The following ATP10B variants were observed in gnomAD, a reference collection of about 807,000 sequenced individuals.
The protein encoded by ATP10B is ATPase phospholipid transporting 10B (putative), also known as phospholipid-transporting ATPase VB.
A neutral mutation model predicts 141.2 loss-of-function variants in ATP10B; 122 were observed. The observed-to-expected ratio is 0.86, with a 90% CI of 0.75 to 1.00. The LOEUF (loss-of-function observed/expected upper bound fraction) is 1.00, where lower values mean the gene tolerates loss of function less well. Ranked by LOEUF, ATP10B falls within the 50% of genes least tolerant of loss-of-function variation. The pLI, the probability that ATP10B is intolerant of heterozygous loss-of-function variation, is 0.00. For synonymous variants in ATP10B, 685 were observed against 692.0 expected (o/e 0.99, Z 0.16); for missense variants, 1,876 against 1,825.3 (o/e 1.03, Z -0.51).
At chr5:160,907,598 C>A in the ATP10B span, among the ~76,000 whole-genome samples, 1 of 152,092 alleles carries the variant, frequency 6.6e-6, no homozygotes, top group South Asian at 2.1e-4. Context: ...TGGGCTCAAG[C>A]AATCCTCTTG....
the ATP10B span, among the ~76,000 whole-genome samples, chr5:160,913,318 A>T: frequency 6.6e-6 from 1 of 152,178 alleles, no homozygotes; most frequent in African/African-American, 2.4e-5. Flanking sequence ...CTAAGATTTG[A>T]TGGAGAAACT....
rs1754445060 is a variant in ATP10B, at chr5:160,564,977, A to T, written c.*476T>A. On this transcript the variant is annotated 3_prime_UTR_variant, in exon 26 of 26. Coordinates refer to ENST00000327245, the MANE Select transcript of ATP10B (RefSeq NM_025153.3). ...TTAACCCCGATTCAGCCATTACTGC[A>T]ATACACTTGAGATGAAGCCCTTATG... 1 of 155,706 alleles carries T rather than the reference A, an allele frequency of 6.4e-6. No individual in the cohort carries two copies. Among genetic ancestry groups the T allele is most frequent in the Admixed American group, 6.3e-5 (1 of 15,836 alleles). 9.6% of individuals were successfully genotyped at this position (155,706 alleles called of 1,614,324 possible).
rs1754483824 is a variant in ATP10B at position 160,565,595 on chromosome 5, C to G, written c.4244G>C (p.Gly1415Ala). ...TECMRDDSCS[G>A]DSSAQLSSGE... Reference sequence around the variant, plus strand: ...GGATGAGAGTTGAGCTGAGGAGTCCCCTGAGCATGAGTCATCCCTCATGCA... The same window carrying G: ...GGATGAGAGTTGAGCTGAGGAGTCCGCTGAGCATGAGTCATCCCTCATGCA... Residue 1415 changes from glycine to alanine, a missense_variant, in exon 26 of 26, where the codon GGG becomes GCG. Transcript: ENST00000327245. The G allele has an allele frequency of 6.2e-7, 1 of 1,614,126 alleles. No homozygotes were observed. The highest frequency in any genetic ancestry group is 2.2e-5 in the East Asian group (1 of 44,854).
chr5:160,785,030 G>T lies in ATP10B; in HGVS notation c.-331+529C>A, dbSNP rs113026942. Among the ~76,000 whole-genome samples, 436 of 152,180 alleles carry T rather than the reference G, an allele frequency of 2.9e-3. 1 individual carries two copies. The highest frequency in any genetic ancestry group is 0.01 in the African/African-American group (425 of 41,530). On this transcript the variant is annotated intron_variant, in intron 2 of 25. Coordinates refer to ENST00000327245, the MANE Select transcript of ATP10B (RefSeq NM_025153.3). ...GTTCCATTTGCTTTGCTAAGGACTG[G>T]TTTAGGCAAGGGTGTGTAACACATT...
chr5:160,865,621 A>C, the ATP10B span, among the ~76,000 whole-genome samples: 1 of 152,188 alleles, frequency 6.6e-6, no homozygotes, highest in Non-Finnish European at 1.5e-5. Flanking sequence ...CAAAATAATC[A>C]GCAGAGTAAA....
chr5:160,662,668 T>G (rs1302759088), intron 7 of ATP10B, among the ~76,000 whole-genome samples: 6 of 152,254 alleles, frequency 3.9e-5, no homozygotes, highest in Admixed American at 1.3e-4. Context: ...AAGACTTAAA[T>G]GTTAGATCTA....
intron 1 of ATP10B, among the ~76,000 whole-genome samples, chr5:160,817,056 G>A (rs903673633): frequency 1.3e-5 from 2 of 152,096 alleles, no homozygotes; most frequent in African/African-American, 4.8e-5. Flanking sequence ...ATACTGAATG[G>A]GCAAAAACTG....
intron 7 of ATP10B, among the ~76,000 whole-genome samples, chr5:160,655,547 A>AGTGTGTAT (rs1761434501): frequency 6.6e-6 from 1 of 152,258 alleles, no homozygotes; most frequent in East Asian, 1.9e-4. Context: ...TGATATTAGA[A>AGTGTGTAT]GTGTGTATTT....
At chr5:160,797,373 C>T (rs1322699259) in intron 1 of ATP10B, among the ~76,000 whole-genome samples, 1 of 152,192 alleles carries the variant, frequency 6.6e-6, no homozygotes, top group East Asian at 1.9e-4. Flanking sequence ...CACCTGTGTT[C>T]CTCCACTCCC....
At chr5:160,872,424 T>C in the ATP10B span, among the ~76,000 whole-genome samples, 1 of 152,208 alleles carries the variant, frequency 6.6e-6, no homozygotes, top group African/African-American at 2.4e-5. Flanking sequence ...GTATTTGCTT[T>C]TGGGTTCTTG....
At chr5:160,627,471 G>A (rs927395881) in intron 13 of ATP10B, among the ~76,000 whole-genome samples, 3 of 152,222 alleles carry the variant, frequency 2.0e-5, no homozygotes, top group African/African-American at 7.2e-5. Context: ...CTAAAGAAAT[G>A]TAGACACTGG....
At chr5:160,632,054 T>C (rs1032748293) in intron 13 of ATP10B, 75 bp downstream of exon 13, 2 of 1,409,920 alleles carry the variant, frequency 1.4e-6, no homozygotes, top group Non-Finnish European at 1.9e-6. Flanking sequence ...CAATTTTTTC[T>C]TTTTCACATT....
At chr5:160,895,743 A>G in the ATP10B span, among the ~76,000 whole-genome samples, 2 of 152,242 alleles carry the variant, frequency 1.3e-5, no homozygotes, top group Non-Finnish European at 2.9e-5. Context: ...AACAGAATAT[A>G]CATTCTTCTC....
At chr5:160,754,179 C>T (rs550509565) in intron 2 of ATP10B, among the ~76,000 whole-genome samples, 32 of 152,260 alleles carry the variant, frequency 2.1e-4, no homozygotes, top group Non-Finnish European at 3.5e-4. Flanking sequence ...TTAATATATA[C>T]AGACATAGAG....
At chr5:160,816,116 A>T (rs1050597601) in intron 1 of ATP10B, among the ~76,000 whole-genome samples, 1 of 150,892 alleles carries the variant, frequency 6.6e-6, no homozygotes, top group African/African-American at 2.4e-5. Flanking sequence ...GAGAAGCAAG[A>T]GCAAACACAT....
intron 3 of ATP10B, among the ~76,000 whole-genome samples, chr5:160,693,265 G>C (rs956219048): frequency 4.0e-5 from 6 of 151,874 alleles, no homozygotes; most frequent in African/African-American, 1.5e-4. Flanking sequence ...ACTACAGTTA[G>C]GTAATAGCAT....
intron 2 of ATP10B, among the ~76,000 whole-genome samples, chr5:160,726,020 G>C (rs916037784): frequency 1.3e-5 from 2 of 152,126 alleles, no homozygotes; most frequent in Non-Finnish European, 2.9e-5. Flanking sequence ...TCTCAATCAT[G>C]GAATGAGAGT....
In ATP10B at chr5:160,608,305, A is replaced by C. The variant is rs905604109; in HGVS notation, c.2839-1219T>G. Among the ~76,000 whole-genome samples the C allele has an allele frequency of 4.1e-4, 63 of 152,186 alleles. 2 individuals are homozygous for C. ...TAGTATTCCATGGTGTATATGTGCC[A>C]CATTTTCTTAATCCAGTCTATCATT... On this transcript the variant is annotated intron_variant, in intron 18 of 25. Coordinates refer to ENST00000327245, the MANE Select transcript of ATP10B (RefSeq NM_025153.3).
the ATP10B span, among the ~76,000 whole-genome samples, chr5:160,863,332 A>C: frequency 1.3e-4 from 20 of 151,994 alleles, no homozygotes; most frequent in African/African-American, 4.1e-4. Context: ...AGTTGGGAGA[A>C]ATGGCAAAAC....
Sources: gnomAD v4.1 joint callset for allele counts (sites outside exome capture counted in the v4.1 genomes callset) on GRCh38, gnomAD v4.1.1 for gene constraint, MANE v1.5 for transcripts, NCBI Gene and HGNC (gene_info 2026-07-23, HGNC 2026-07-21) for gene names.